FKTN: variants seen among roughly 807,000 people sequenced by gnomAD.
FKTN encodes fukutin, also known as ribitol-5-phosphate transferase FKTN.
In FKTN, 47 loss-of-function variants were observed where a neutral mutation model predicts 58.6. That is an observed-to-expected ratio of 0.80 (90% CI 0.63 to 1.02). FKTN has a LOEUF of 1.02. Ranked by LOEUF, FKTN falls within the 50% of genes least tolerant of loss-of-function variation. The probability of loss-of-function intolerance (pLI) is 0.00; values close to 1 mark genes in which losing one functional copy is unlikely to be tolerated. For synonymous variants in FKTN, 178 were observed against 191.9 expected (o/e 0.93, Z 0.60); for missense variants, 516 against 537.3 (o/e 0.96, Z 0.39).
Position 105,635,505 on chromosome 9 carries a change from T to G in FKTN, c.*241T>G. On this transcript the variant is annotated 3_prime_UTR_variant, in exon 11 of 11. Transcript: ENST00000357998. Reference sequence around the variant, plus strand: ...GATGAATGAGACAAATACCTACTTCTTTTATTCCTCCTTTTGGTAAACAAC... The same window carrying G: ...GATGAATGAGACAAATACCTACTTCGTTTATTCCTCCTTTTGGTAAACAAC... The G allele has an allele frequency of 1.4e-6, 2 of 1,384,876 alleles. No individual in the cohort carries two copies. The highest frequency in any genetic ancestry group is 3.1e-5 in the South Asian group (2 of 64,432). 85.8% of individuals were successfully genotyped at this position (1,384,876 alleles called of 1,614,324 possible).
At chr9:105,615,895 C>T (rs1249206370) in intron 8 of FKTN, among the ~76,000 whole-genome samples, 1 of 152,178 alleles carries the variant, frequency 6.6e-6, no homozygotes, top group Non-Finnish European at 1.5e-5. Flanking sequence ...ATCTCTGTCT[C>T]TCAGAGTATC....
chr9:105,626,332 TA>T (rs1190198434), intron 10 of FKTN, among the ~76,000 whole-genome samples: 3 of 152,220 alleles, frequency 2.0e-5, no homozygotes, highest in Non-Finnish European at 4.4e-5. Context: ...AAGTCCAAGA[TA>T]AAGGTACCAG....
intron 1 of FKTN, among the ~76,000 whole-genome samples, chr9:105,571,243 G>C (rs1192011243): frequency 1.3e-5 from 2 of 152,062 alleles, no homozygotes; most frequent in Non-Finnish European, 2.9e-5. Context: ...CAGTGAAGAA[G>C]GAAGGAATTG....
In FKTN at chr9:105,637,790, G is replaced by A; in HGVS notation, c.*2526G>A. 1.0e-6 allele frequency: 1 copy of A among 985,292 alleles called. No individual in the cohort carries two copies. The highest frequency in any genetic ancestry group is 5.2e-4 in the Middle Eastern group (1 of 1,914). 61.0% of individuals were successfully genotyped at this position (985,292 alleles called of 1,614,324 possible). On this transcript the variant is annotated 3_prime_UTR_variant, in exon 11 of 11. Coordinates refer to ENST00000357998, the MANE Select transcript of FKTN (RefSeq NM_001079802.2). Reference sequence around the variant, plus strand: ...CTTAATTGATAACCAGGACAACCAGGTAGTCACCCAGTCCTCTCTAAGCAG... The same window carrying A: ...CTTAATTGATAACCAGGACAACCAGATAGTCACCCAGTCCTCTCTAAGCAG...
chr9:105,629,599 A>T (rs1441579559), intron 10 of FKTN, among the ~76,000 whole-genome samples: 1 of 152,160 alleles, frequency 6.6e-6, no homozygotes, highest in Non-Finnish European at 1.5e-5. Context: ...AGAGCTATAG[A>T]GTTTTTGGAA....
At chr9:105,606,685 A>G (rs2132862630) in intron 6 of FKTN, among the ~76,000 whole-genome samples, 1 of 116,356 alleles carries the variant, frequency 8.6e-6, no homozygotes, top group Admixed American at 1.0e-4. Flanking sequence ...TTAAAAATAT[A>G]TATATATATT....
intron 10 of FKTN, among the ~76,000 whole-genome samples, chr9:105,631,119 C>T (rs529287350): frequency 7.2e-5 from 11 of 151,998 alleles, no homozygotes; most frequent in South Asian, 2.1e-4. Flanking sequence ...GGTGACAAAG[C>T]GAGACTGTCT....
chr9:105,569,053 A>G (rs1033761570), intron 1 of FKTN, among the ~76,000 whole-genome samples: 11 of 152,174 alleles, frequency 7.2e-5, no homozygotes, highest in Admixed American at 1.3e-4. Flanking sequence ...AAAACCAAAC[A>G]TCGCATGTTC....
rs144243113 is a variant in FKTN at position 105,582,489 on chromosome 9, A to G, written c.105+7352A>G. ...GGGATTACAAGTATGGGCTACTGCA[A>G]CTGGCCTGGAAAACCAAAATTGTTA... is the stretch of plus-strand genomic sequence containing the variant. On this transcript the variant is annotated intron_variant, in intron 3 of 10. Transcript: ENST00000357998. Among the ~76,000 whole-genome samples, 817 of 152,356 alleles carry G rather than the reference A, an allele frequency of 5.4e-3. 9 individuals are homozygous for G. Among genetic ancestry groups the G allele is most frequent in the African/African-American group, 0.017 (724 of 41,590 alleles).
At position 105,638,742 on chromosome 9, in the gene FKTN, T is replaced by C; in HGVS notation, c.*3478T>C. The stretch of plus-strand genomic sequence containing the variant: ...GACTAGAGTATCTAGTTTTTAGTAT[T>C]TAAACTACTTTTAATTATTTATATT... On this transcript the variant is annotated 3_prime_UTR_variant, in exon 11 of 11. Coordinates refer to ENST00000357998, the MANE Select transcript of FKTN (RefSeq NM_001079802.2). 1.0e-6 allele frequency: 1 copy of C among 975,198 alleles called. No homozygotes were observed. Among genetic ancestry groups the C allele is most frequent in the Non-Finnish European group, 1.2e-6 (1 of 820,682 alleles). 60.4% of individuals were successfully genotyped at this position (975,198 alleles called of 1,614,324 possible).
rs1451591842 is a variant in FKTN, at chr9:105,640,379, C to T, written c.*5115C>T. 1.1e-5 allele frequency: 4 copies of T among 355,530 alleles called. No individual in the cohort carries two copies. The highest frequency in any genetic ancestry group is 2.0e-5 in the Non-Finnish European group (4 of 198,918). The allele number at this position is 355,530 out of a possible 1,614,324, so 22.0% of individuals were successfully genotyped here. On this transcript the variant is annotated 3_prime_UTR_variant, in exon 11 of 11. Coordinates refer to ENST00000357998, the MANE Select transcript of FKTN (RefSeq NM_001079802.2). The stretch of plus-strand genomic sequence containing the variant: ...CAGCCTGGCCAACATAGTGAAACCC[C>T]GTCTCTTCTAAAAATACAAAAAAAT...
chr9:105,591,108 A>G (rs1413758105), intron 3 of FKTN, among the ~76,000 whole-genome samples: 1 of 152,140 alleles, frequency 6.6e-6, no homozygotes, highest in African/African-American at 2.4e-5. Flanking sequence ...ACCAGGCCCC[A>G]TTTCCAACAC....
chr9:105,624,623 C>CAAAAAAAA (rs779770311), intron 10 of FKTN, among the ~76,000 whole-genome samples: 1 of 69,182 alleles, frequency 1.4e-5, no homozygotes, highest in African/African-American at 5.0e-5. Context: ...AGAGCAAAAC[C>CAAAAAAAA]AAAAAAAAAA....
intron 3 of FKTN, among the ~76,000 whole-genome samples, chr9:105,588,189 G>T (rs1844242884): frequency 6.6e-6 from 1 of 152,082 alleles, no homozygotes; most frequent in Non-Finnish European, 1.5e-5. Flanking sequence ...CTACTTTCTG[G>T]ATGCTTTTTC....
At chr9:105,599,844 C>T (rs1045398556) in intron 4 of FKTN, among the ~76,000 whole-genome samples, 22 of 152,192 alleles carry the variant, frequency 1.4e-4, no homozygotes, top group African/African-American at 5.3e-4. Flanking sequence ...GAAGTATTTT[C>T]TCCTGCTCCA....
intron 3 of FKTN, among the ~76,000 whole-genome samples, chr9:105,592,353 T>G (rs1845049128): frequency 6.6e-6 from 1 of 152,166 alleles, no homozygotes; most frequent in African/African-American, 2.4e-5. Context: ...AGAAATTTCT[T>G]CTGGGTTGGG....
chr9:105,626,411 AGGAGCAATC>A (rs1832745263), intron 10 of FKTN, among the ~76,000 whole-genome samples: 1 of 152,186 alleles, frequency 6.6e-6, no homozygotes, highest in Non-Finnish European at 1.5e-5. Flanking sequence ...ACATGGTGAA[AGGAGCAATC>A]AAGCTCCCTT....
chr9:105,571,354 G>A (rs915790067), intron 1 of FKTN, among the ~76,000 whole-genome samples: 1 of 152,158 alleles, frequency 6.6e-6, no homozygotes, highest in Non-Finnish European at 1.5e-5. Flanking sequence ...TCCTAATGAA[G>A]CGGTAGTGCT....
chr9:105,641,071 T>C lies in FKTN; in HGVS notation c.*5807T>C, dbSNP rs2133498324. The C allele has an allele frequency of 1.3e-5, 2 of 152,374 alleles. No individual in the cohort carries two copies. The highest frequency in any genetic ancestry group is 4.8e-5 in the African/African-American group (2 of 41,592). 9.4% of individuals were successfully genotyped at this position (152,374 alleles called of 1,614,324 possible). A position where few individuals can be genotyped will look rare whatever the true frequency, so the allele number is the denominator to read the frequency against. Reference sequence around the variant, plus strand: ...ATATTATTTTCATCAGAATTTGTAATATATAATCCAGTTTGGGATGATGAA... The same window carrying C: ...ATATTATTTTCATCAGAATTTGTAACATATAATCCAGTTTGGGATGATGAA... On this transcript the variant is annotated 3_prime_UTR_variant, in exon 11 of 11. Transcript: ENST00000357998.
Sources: gnomAD v4.1 joint callset for allele counts (sites outside exome capture counted in the v4.1 genomes callset) on GRCh38, gnomAD v4.1.1 for gene constraint, MANE v1.5 for transcripts, NCBI Gene and HGNC (gene_info 2026-07-23, HGNC 2026-07-21) for gene names.